Variants in PPP4R3A observed in about 807,000 individuals in gnomAD.
PPP4R3A encodes the protein serine/threonine-protein phosphatase 4 regulatory subunit 3A.
In PPP4R3A, 15 loss-of-function variants were observed where a neutral mutation model predicts 91.7. The ratio of observed to expected loss-of-function variants is 0.16; its 90% CI spans 0.11 to 0.25. PPP4R3A has a LOEUF of 0.25. PPP4R3A is among the 10% of genes least tolerant of loss of function. The pLI is 1.00. For missense variants in PPP4R3A, 623 were observed against 998.4 expected (o/e 0.62, Z 5.07); for synonymous variants, 377 against 348.7 (o/e 1.08, Z -0.91).
In PPP4R3A at chr14:91,470,828, A is replaced by G; in HGVS notation, c.1660+9T>C. The G allele has an allele frequency of 6.2e-7, 1 of 1,600,890 alleles. No individual in the cohort carries two copies. The highest frequency in any genetic ancestry group is 1.8e-5 in the Admixed American group (1 of 55,064). ...ATATACAAAGATGATAAATAATTCT[A>G]ACACTTACATAATGCCAAGAAAGCA... On this transcript the variant is annotated intron_variant, in intron 10 of 14. Transcript: ENST00000554943.
intron 10 of PPP4R3A, among the ~76,000 whole-genome samples, chr14:91,468,571 A>C (rs1357481236): frequency 1.4e-5 from 2 of 142,278 alleles, no homozygotes; most frequent in Non-Finnish European, 3.0e-5. Flanking sequence ...CAGGAGGCTG[A>C]GGCAGGAGAA....
chr14:91,486,242 G>T (rs115382666), intron 2 of PPP4R3A, among the ~76,000 whole-genome samples: 12 of 94,048 alleles, frequency 1.3e-4, no homozygotes, highest in African/African-American at 5.8e-4. Flanking sequence ...CTATACATAG[G>T]TTTTTTTGTT....
At chr14:91,478,968 C>T (rs142377965) in intron 4 of PPP4R3A, among the ~76,000 whole-genome samples, 3 of 152,302 alleles carry the variant, frequency 2.0e-5, no homozygotes, top group Non-Finnish European at 4.4e-5. Context: ...CACTTATCTG[C>T]AGCGGTGCGA....
At chr14:91,490,919 T>TA (rs1890199543) in intron 1 of PPP4R3A, 117 bp from the exon 2 acceptor site, 2 of 379,004 alleles carry the variant, frequency 5.3e-6, no homozygotes, top group Non-Finnish European at 8.5e-6. Flanking sequence ...TTTTTTTTTT[T>TA]AATGAGACAG....
At chr14:91,479,341 TAAC>T (rs778620608) in intron 4 of PPP4R3A, among the ~76,000 whole-genome samples, 69 of 146,942 alleles carry the variant, frequency 4.7e-4, no homozygotes, top group African/African-American at 1.2e-3. Flanking sequence ...TGGGTGCAAA[TAAC>T]AATTCTTTCT....
chr14:91,459,150 G>C (rs1451723092), intron 14 of PPP4R3A, among the ~76,000 whole-genome samples: 2 of 151,956 alleles, frequency 1.3e-5, no homozygotes, highest in Non-Finnish European at 2.9e-5. Flanking sequence ...TGTCACCCAG[G>C]CTGGAGTGCA....
intron 2 of PPP4R3A, among the ~76,000 whole-genome samples, chr14:91,487,730 T>A (rs1889984617): frequency 6.6e-6 from 1 of 152,176 alleles, no homozygotes; most frequent in Non-Finnish European, 1.5e-5. Context: ...TTTGTTTGTT[T>A]GTTTTTTGAG....
rs902267567 is a variant in PPP4R3A, at chr14:91,509,817, G to C, written c.-170C>G. The C allele has an allele frequency of 3.3e-6, 4 of 1,205,324 alleles. No homozygotes were observed. Among genetic ancestry groups the C allele is most frequent in the South Asian group, 7.1e-5 (2 of 28,054 alleles). The allele number at this position is 1,205,324 out of a possible 1,614,324, so 74.7% of individuals were successfully genotyped here. A position where few individuals can be genotyped will look rare whatever the true frequency, so the allele number is the denominator to read the frequency against. On this transcript the variant is annotated 5_prime_UTR_variant, in exon 1 of 15. Coordinates refer to ENST00000554943, the MANE Select transcript of PPP4R3A (RefSeq NM_001366432.2). Reference sequence around the variant, plus strand: ...GCCGCCGCCTGCATGGCCCGCTCCAGGGACCGAGCTCTGGGCCGCCGCCTT... The same window carrying C: ...GCCGCCGCCTGCATGGCCCGCTCCACGGACCGAGCTCTGGGCCGCCGCCTT...
At chr14:91,465,794 G>GA (rs1888440489) in intron 10 of PPP4R3A, among the ~76,000 whole-genome samples, 2 of 152,070 alleles carry the variant, frequency 1.3e-5, no homozygotes, top group African/African-American at 2.4e-5. Flanking sequence ...CACCTTAATA[G>GA]AAAAAACCAG....
intron 2 of PPP4R3A, among the ~76,000 whole-genome samples, chr14:91,486,920 A>AAAT (rs1555436584): frequency 1.4e-4 from 20 of 147,264 alleles, no homozygotes; most frequent in South Asian, 2.1e-4. Flanking sequence ...AAAAAAAAAA[A>AAAT]AAAATAGAGA....
rs763853326 is a variant in PPP4R3A at position 91,482,152 on chromosome 14, A to C, written c.339T>G (p.Leu113=). 4.1e-5 allele frequency: 66 copies of C among 1,614,068 alleles called. No homozygotes were observed. In the Middle Eastern group the frequency reaches 8.2e-4, roughly 20 times the overall value. Residue 113 remains leucine, a synonymous_variant, in exon 4 of 15, where the codon CTT becomes CTG. Coordinates refer to ENST00000554943, the MANE Select transcript of PPP4R3A (RefSeq NM_001366432.2). The part of the protein sequence containing the change: ...KDPSVDITQD[L]VDESEEERFD... ...AACGCTCCTCTTCAGATTCATCCAC[A>C]AGGTCCTGAGTGATGTCCACGGAAG...
chr14:91,466,333 T>A (rs1431934017), intron 10 of PPP4R3A: 4 of 985,762 alleles, frequency 4.1e-6, no homozygotes, highest in African/African-American at 1.7e-5. Context: ...TTGGAGATCA[T>A]GGAAGTGGCT....
At chr14:91,471,920 C>G (rs1213620786) in intron 9 of PPP4R3A, among the ~76,000 whole-genome samples, 3 of 151,826 alleles carry the variant, frequency 2.0e-5, no homozygotes, top group Non-Finnish European at 4.4e-5. Flanking sequence ...TAAAAATTAG[C>G]CAGGCATGGT....
At chr14:91,491,484 T>C (rs1890230753) in intron 1 of PPP4R3A, among the ~76,000 whole-genome samples, 2 of 152,168 alleles carry the variant, frequency 1.3e-5, no homozygotes, top group Admixed American at 1.3e-4. Flanking sequence ...CTCGGCTCAC[T>C]GCAACCTCCG....
At chr14:91,498,997 G>A (rs1890770345) in intron 1 of PPP4R3A, among the ~76,000 whole-genome samples, 2 of 151,216 alleles carry the variant, frequency 1.3e-5, no homozygotes, top group Non-Finnish European at 1.5e-5. Flanking sequence ...ATGTTGGCCA[G>A]GATGGTCTTG....
chr14:91,461,769 A>G, intron 13 of PPP4R3A, 162 bp from the exon 14 acceptor site: 1 of 848,972 alleles, frequency 1.2e-6, no homozygotes. Flanking sequence ...CCACAATTCC[A>G]TTCATTGGAT....
At chr14:91,509,478 G>A (rs760228047) in intron 1 of PPP4R3A, 28 bp downstream of exon 1, 12 of 1,565,406 alleles carry the variant, frequency 7.7e-6, no homozygotes, top group South Asian at 3.5e-5. Flanking sequence ...GGGGCTGCGA[G>A]GGTCCCGCCG....
chr14:91,503,236 C>G (rs952077935), intron 1 of PPP4R3A, among the ~76,000 whole-genome samples: 2 of 152,148 alleles, frequency 1.3e-5, no homozygotes, highest in African/African-American at 4.8e-5. Flanking sequence ...AATCCTCCCC[C>G]ACCTTGGCTT....
intron 14 of PPP4R3A, among the ~76,000 whole-genome samples, chr14:91,460,707 G>A (rs1888089304): frequency 7.8e-6 from 1 of 128,316 alleles, no homozygotes; most frequent in Non-Finnish European, 1.6e-5. Context: ...TGCAAGCTCC[G>A]CCTCCCAGGT....
Sources: gnomAD v4.1 joint callset for allele counts (sites outside exome capture counted in the v4.1 genomes callset) on GRCh38, gnomAD v4.1.1 for gene constraint, MANE v1.5 for transcripts, NCBI Gene and HGNC (gene_info 2026-07-23, HGNC 2026-07-21) for gene names.